DSCAML1: variants seen among roughly 807,000 people sequenced by gnomAD.
DSCAML1 encodes cell adhesion molecule DSCAML1.
Under a neutral mutation model 200.5 loss-of-function variants are expected in DSCAML1, and 38 were observed. The ratio of observed to expected loss-of-function variants is 0.19; its 90% CI spans 0.15 to 0.25. The LOEUF (loss-of-function observed/expected upper bound fraction) is 0.25, where lower values mean the gene tolerates loss of function less well. Ranked by LOEUF, DSCAML1 falls within the 10% of genes least tolerant of loss-of-function variation. The pLI is 1.00. For synonymous variants in DSCAML1, 1,215 were observed against 1,165.0 expected, an observed-to-expected ratio of 1.04 and a Z score of -0.87; for missense variants, 2,223 against 2,858.8, an observed-to-expected ratio of 0.78 and a Z score of 5.07.
At chr11:117,628,227 C>T (rs1414572019) in intron 3 of DSCAML1, among the ~76,000 whole-genome samples, 4 of 152,186 alleles carry the variant, frequency 2.6e-5, no homozygotes, top group Non-Finnish European at 5.9e-5. Context: ...CCTGCCAGCA[C>T]ACCAGCTTAT....
At chr11:117,669,150 C>G (rs1161309429) in intron 3 of DSCAML1, among the ~76,000 whole-genome samples, 1 of 152,204 alleles carries the variant, frequency 6.6e-6, no homozygotes, top group Non-Finnish European at 1.5e-5. Context: ...CCGACAATTA[C>G]AGTCAATCCA....
At chr11:117,582,970 C>A (rs775239868) in intron 3 of DSCAML1, among the ~76,000 whole-genome samples, 42 of 132,850 alleles carry the variant, frequency 3.2e-4, no homozygotes, top group Admixed American at 1.9e-3. Context: ...TTTATTCTCA[C>A]AATGTGGCAT....
At chr11:117,569,698 G>C (rs2050814375) in intron 3 of DSCAML1, among the ~76,000 whole-genome samples, 1 of 152,146 alleles carries the variant, frequency 6.6e-6, no homozygotes, top group Admixed American at 6.5e-5. Context: ...GTGACATTCC[G>C]TTTCCCAGAC....
intron 3 of DSCAML1, among the ~76,000 whole-genome samples, chr11:117,626,203 C>A (rs962901240): frequency 1.5e-4 from 13 of 84,828 alleles, no homozygotes; most frequent in South Asian, 3.1e-4. Flanking sequence ...GCTGAGACCC[C>A]CCCCCCTCCT....
chr11:117,789,303 T>C (rs918124273), intron 1 of DSCAML1, among the ~76,000 whole-genome samples: 2 of 152,324 alleles, frequency 1.3e-5, no homozygotes, highest in Middle Eastern at 3.4e-3. Flanking sequence ...TCCAGCCCTT[T>C]CTAGACAGGG....
chr11:117,543,120 G>T (rs950336099), intron 3 of DSCAML1, among the ~76,000 whole-genome samples: 26 of 152,244 alleles, frequency 1.7e-4, no homozygotes, highest in African/African-American at 6.0e-4. Flanking sequence ...CTGAATGAAA[G>T]AGTGGATGAA....
chr11:117,544,381 C>T (rs1233035329), intron 3 of DSCAML1, among the ~76,000 whole-genome samples: 1 of 152,236 alleles, frequency 6.6e-6, no homozygotes, highest in Non-Finnish European at 1.5e-5. Flanking sequence ...CAGGGCTGTC[C>T]TTTCCTCCCA....
intron 3 of DSCAML1, among the ~76,000 whole-genome samples, chr11:117,690,738 C>T (rs2053480106): frequency 1.3e-5 from 2 of 152,168 alleles, no homozygotes; most frequent in African/African-American, 4.8e-5. Context: ...CACACTTATT[C>T]TTGTTTTATC....
At chr11:117,593,483 A>G (rs983097380) in intron 3 of DSCAML1, among the ~76,000 whole-genome samples, 1 of 152,192 alleles carries the variant, frequency 6.6e-6, no homozygotes, top group African/African-American at 2.4e-5. Flanking sequence ...TGGAAAGAAG[A>G]GATGACAGGC....
chr11:117,461,212 T>G (rs1425011713), intron 18 of DSCAML1, among the ~76,000 whole-genome samples: 1 of 146,822 alleles, frequency 6.8e-6, no homozygotes, highest in Non-Finnish European at 1.5e-5. Flanking sequence ...ACCTTGCTCC[T>G]GGCTCTGACC....
chr11:117,592,167 G>C (rs943419694), intron 3 of DSCAML1, among the ~76,000 whole-genome samples: 4 of 152,118 alleles, frequency 2.6e-5, no homozygotes, highest in African/African-American at 9.7e-5. Flanking sequence ...GTCAGAGTCT[G>C]GATTCTCCGC....
chr11:117,631,283 GT>G (rs1487284199), intron 3 of DSCAML1, among the ~76,000 whole-genome samples: 1 of 152,200 alleles, frequency 6.6e-6, no homozygotes, highest in Non-Finnish European at 1.5e-5. Flanking sequence ...TACGATGAGA[GT>G]TTTTCTAGCA....
rs2048699897 is a variant in DSCAML1 at position 117,472,177 on chromosome 11, T to C, written c.2786-141A>G. 13 of 883,662 alleles carry C rather than the reference T, an allele frequency of 1.5e-5. No homozygotes were observed. The South Asian group carries it at 2.3e-4, about 16-fold the overall frequency. 54.7% of individuals were successfully genotyped at this position (883,662 alleles called of 1,614,324 possible). A position where few individuals can be genotyped will look rare whatever the true frequency, so the allele number is the denominator to read the frequency against. Reference sequence around the variant, plus strand: ...ACAGACTGCAGAGAGGGCACAGGCCTGAACAACTTCACAGACGGTGCAAGG... The same window carrying C: ...ACAGACTGCAGAGAGGGCACAGGCCCGAACAACTTCACAGACGGTGCAAGG... On this transcript the variant is annotated intron_variant, in intron 14 of 32. Coordinates refer to ENST00000651296, the MANE Select transcript of DSCAML1 (RefSeq NM_020693.4).
intron 3 of DSCAML1, among the ~76,000 whole-genome samples, chr11:117,552,336 C>T (rs1431874106): frequency 2.6e-5 from 4 of 151,466 alleles, no homozygotes; most frequent in Non-Finnish European, 5.9e-5. Context: ...ATAGAACCAT[C>T]CCCAATCTAC....
At position 117,433,490 on chromosome 11, in the gene DSCAML1, A is replaced by G; in HGVS notation, c.4877-19T>C. The G allele has an allele frequency of 1.2e-6, 2 of 1,611,826 alleles. No homozygotes were observed. The highest frequency in any genetic ancestry group is 1.7e-6 in the Non-Finnish European group (2 of 1,179,490). On this transcript the variant is annotated intron_variant, in intron 27 of 32. Transcript: ENST00000651296. The stretch of plus-strand genomic sequence containing the variant: ...TTTGCATCTGCAAAACAGTAGAGGG[A>G]GAGGAGGGCTGGGTGAGAATGAAGT...
chr11:117,610,099 T>C (rs1277848421), intron 3 of DSCAML1, among the ~76,000 whole-genome samples: 3 of 152,154 alleles, frequency 2.0e-5, no homozygotes, highest in African/African-American at 7.2e-5. Context: ...ACCAGTACTC[T>C]CTGCATCTGG....
chr11:117,431,799 C>G, intron 30 of DSCAML1, 71 bp from the exon 31 acceptor site: 1 of 1,427,448 alleles, frequency 7.0e-7, no homozygotes, highest in Middle Eastern at 1.9e-4. Flanking sequence ...TGGCACTTAC[C>G]AGAAAGGGCA....
At chr11:117,545,170 TG>T (rs1387711015) in intron 3 of DSCAML1, among the ~76,000 whole-genome samples, 1 of 150,706 alleles carries the variant, frequency 6.6e-6, no homozygotes, top group Non-Finnish European at 1.5e-5. Flanking sequence ...GTGGAGGTTG[TG>T]GTGAGCTGAG....
chr11:117,752,657 G>T lies in DSCAML1; in HGVS notation c.511+24134C>A, dbSNP rs74869196. Among the ~76,000 whole-genome samples, 385 of 152,314 alleles carry T rather than the reference G, an allele frequency of 2.5e-3. 1 individual carries two copies. Among genetic ancestry groups the T allele is most frequent in the African/African-American group, 8.8e-3 (364 of 41,566 alleles). ...GGGGAAACAATGGGTCTGGAGTCAG[G>T]ATGCTGAGGTTTGCTAAAGGATCTG... is the stretch of plus-strand genomic sequence containing the variant. On this transcript the variant is annotated intron_variant, in intron 3 of 32. Coordinates refer to ENST00000651296, the MANE Select transcript of DSCAML1 (RefSeq NM_020693.4).
Sources: gnomAD v4.1 joint callset for allele counts (sites outside exome capture counted in the v4.1 genomes callset) on GRCh38, gnomAD v4.1.1 for gene constraint, MANE v1.5 for transcripts, NCBI Gene and HGNC (gene_info 2026-07-23, HGNC 2026-07-21) for gene names.